The following CLDN12 variants were observed in gnomAD, a reference collection of about 807,000 sequenced individuals.
The protein encoded by CLDN12 is claudin-12.
Under a neutral mutation model 15.5 loss-of-function variants are expected in CLDN12, and 9 were observed. The observed-to-expected ratio is 0.58, with a 90% CI of 0.35 to 1.02. The LOEUF (loss-of-function observed/expected upper bound fraction) is 1.02, where lower values mean the gene tolerates loss of function less well. Ranked by LOEUF, CLDN12 falls within the 50% of genes least tolerant of loss-of-function variation. The pLI is 0.02. For synonymous variants in CLDN12, 140 were observed against 121.6 expected (o/e 1.15, Z -1.00); for missense variants, 233 against 297.3 (o/e 0.78, Z 1.59).
chr7:90,412,368 TG>T lies in CLDN12; in HGVS notation c.-33-275del, dbSNP rs113256971. The T allele has an allele frequency of 7.3e-3, 2,423 of 332,186 alleles. 61 individuals are homozygous for T. Among genetic ancestry groups the T allele is most frequent in the African/African-American group, 0.046 (2,174 of 47,498 alleles). 20.6% of individuals were successfully genotyped at this position (332,186 alleles called of 1,614,324 possible). A position where few individuals can be genotyped will look rare whatever the true frequency, so the allele number is the denominator to read the frequency against. Reference sequence around the variant, plus strand: ...TAAGAGACTTTAACATTATCTTGGTTGTTTTTTTAATTGTGAAGAAAAATAC... The same window carrying T: ...TAAGAGACTTTAACATTATCTTGGTTTTTTTTTAATTGTGAAGAAAAATAC... On this transcript the variant is annotated intron_variant, in intron 3 of 3. Transcript: ENST00000496677.
Position 90,413,702 on chromosome 7 carries a change from A to G in CLDN12, c.*291A>G. On this transcript the variant is annotated 3_prime_UTR_variant, in exon 4 of 4. Coordinates refer to ENST00000496677, the MANE Select transcript of CLDN12 (RefSeq NM_001185072.3). ...CTGCATCACAATTGAGGTAATGTAGAGCAACATGTTAAAGAATGATGGTTA... is the reference window on the plus strand; with the variant it reads ...CTGCATCACAATTGAGGTAATGTAGGGCAACATGTTAAAGAATGATGGTTA... 8.9e-7 allele frequency: 1 copy of G among 1,128,312 alleles called. No individual in the cohort carries two copies. Among genetic ancestry groups the G allele is most frequent in the South Asian group, 3.7e-5 (1 of 26,900 alleles). The allele number at this position is 1,128,312 out of a possible 1,614,324, so 69.9% of individuals were successfully genotyped here.
intron 2 of CLDN12, chr7:90,405,948 A>T (rs1046852309): frequency 5.3e-5 from 8 of 152,162 alleles, no homozygotes; most frequent in East Asian, 1.9e-4. Context: ...AGAAAATTTT[A>T]AAAAATTAGC....
intron 2 of CLDN12, among the ~76,000 whole-genome samples, chr7:90,410,586 C>G (rs1796938465): frequency 1.3e-5 from 2 of 152,182 alleles, no homozygotes; most frequent in Admixed American, 1.3e-4. Context: ...CTTGTAATTT[C>G]AGCACTTTTG....
Position 90,412,906 on chromosome 7 carries a change from C to G in CLDN12, c.230C>G (p.Ser77Ter). Reference protein sequence around the residue: ...CLMYDTTWYSSVDQLDLRVLQ... With the variant: ...CLMYDTTWYS ...ATGTACGACACTACTTGGTACTCAT[C>G]AGTTGACCAGCTGGACCTGCGTGTC... is the stretch of plus-strand genomic sequence containing the variant. Residue 77 changes from serine to a stop codon, truncating the protein, a stop_gained, in exon 4 of 4, where the codon TCA becomes TGA. Transcript: ENST00000496677. LOFTEE classifies it high-confidence loss of function. The G allele has an allele frequency of 6.2e-7, 1 of 1,614,224 alleles. No homozygotes were observed. Among genetic ancestry groups the G allele is most frequent in the Non-Finnish European group, 8.5e-7 (1 of 1,180,042 alleles).
Position 90,414,398 on chromosome 7 carries a change from C to T in CLDN12, c.*987C>T, listed in dbSNP as rs995263893. ...TCACCCTTGATTCATTTCTCGCCCCCGTCACTGATTATTTCCTTGAGCATA... is the reference window on the plus strand; with the variant it reads ...TCACCCTTGATTCATTTCTCGCCCCTGTCACTGATTATTTCCTTGAGCATA... On this transcript the variant is annotated 3_prime_UTR_variant, in exon 4 of 4. Transcript: ENST00000496677. 1.9e-5 allele frequency: 19 copies of T among 1,000,008 alleles called. No individual in the cohort carries two copies. Among genetic ancestry groups the T allele is most frequent in the African/African-American group, 3.5e-5 (2 of 57,214 alleles). 61.9% of individuals were successfully genotyped at this position (1,000,008 alleles called of 1,614,324 possible).
At chr7:90,405,773 A>T (rs528043700) in intron 2 of CLDN12, 165 bp downstream of exon 2, 1 of 152,254 alleles carries the variant, frequency 6.6e-6, no homozygotes, top group East Asian at 1.9e-4. Context: ...AACCCAAATT[A>T]TAGGTAGAAG....
chr7:90,413,121 T>A lies in CLDN12; in HGVS notation c.445T>A (p.Ser149Thr). Residue 149 changes from serine to threonine, a missense_variant, in exon 4 of 4, where the codon TCC becomes ACC. Transcript: ENST00000496677. ...LFFLAGTVSL[S>T]PSIWVIFYNI... The stretch of plus-strand genomic sequence containing the variant: ...TTTCCTGGCAGGTACTGTGAGCCTC[T>A]CCCCATCTATCTGGGTCATCTTTTA... 1 of 1,614,206 alleles carries A rather than the reference T, an allele frequency of 6.2e-7. No individual in the cohort carries two copies. Among genetic ancestry groups the A allele is most frequent in the Non-Finnish European group, 8.5e-7 (1 of 1,180,032 alleles).
At chr7:90,410,838 A>C (rs1171406644) in intron 2 of CLDN12, among the ~76,000 whole-genome samples, 2 of 152,082 alleles carry the variant, frequency 1.3e-5, no homozygotes, top group African/African-American at 2.4e-5. Context: ...CTCTACAAAA[A>C]ATACAAAAAT....
rs1409403132 is a variant in CLDN12 at position 90,403,562 on chromosome 7, A to C, written c.-167+13A>C. On this transcript the variant is annotated intron_variant, in intron 1 of 3. Transcript: ENST00000496677. ...GTGTGAGAAGCAGGTAGGTGTGGTC[A>C]AGATGTTCCGATTTCTGGGTCTTTT... is the stretch of plus-strand genomic sequence containing the variant. 1 of 152,228 alleles carries C rather than the reference A, an allele frequency of 6.6e-6. No individual in the cohort carries two copies. The allele number at this position is 152,228 out of a possible 1,614,324, so 9.4% of individuals were successfully genotyped here.
Position 90,412,512 on chromosome 7 carries a change from G to A in CLDN12, c.-33-132G>A. The A allele has an allele frequency of 4.1e-6, 3 of 725,312 alleles. No individual in the cohort carries two copies. In the South Asian group the frequency reaches 5.5e-5, roughly 13 times the overall value. 44.9% of individuals were successfully genotyped at this position (725,312 alleles called of 1,614,324 possible). A position where few individuals can be genotyped will look rare whatever the true frequency, so the allele number is the denominator to read the frequency against. On this transcript the variant is annotated intron_variant, in intron 3 of 3. Transcript: ENST00000496677. ...ATATACATTTGTACTGTACAGAGAG[G>A]AAACAAGGGAGAGACTTTCCCTCTT...
intron 3 of CLDN12, chr7:90,412,277 A>G (rs1396047310): frequency 3.9e-5 from 7 of 177,302 alleles, no homozygotes; most frequent in South Asian, 1.5e-4. Context: ...TGACACATAC[A>G]GAGTGCTTGA....
rs1315755536 is a variant in CLDN12 at position 90,413,075 on chromosome 7, C to T, written c.399C>T (p.His133=). ...GTCTGGTCAATAGTGCAGGTTGCCA[C>T]CTGGTGGCTGGGCTGCTATTTTTCC... ...AKCLVNSAGC[H]LVAGLLFFLA... is the part of the protein sequence containing the mutation. Residue 133 remains histidine, a synonymous_variant, in exon 4 of 4, where the codon CAC becomes CAT. Transcript: ENST00000496677. 2 of 1,614,194 alleles carry T rather than the reference C, an allele frequency of 1.2e-6. No individual in the cohort carries two copies. Among genetic ancestry groups the T allele is most frequent in the Non-Finnish European group, 1.7e-6 (2 of 1,180,040 alleles).
intron 2 of CLDN12, among the ~76,000 whole-genome samples, 197 bp from the exon 3 acceptor site, chr7:90,411,810 T>C (rs17862173): frequency 0.074 from 11,299 of 152,266 alleles, 446 homozygotes; most frequent in South Asian, 0.17. Flanking sequence ...TATTTAACAT[T>C]CATTCAATGA....
Position 90,414,334 on chromosome 7 carries a change from G to C in CLDN12, c.*923G>C. 1.0e-6 allele frequency: 1 copy of C among 1,000,170 alleles called. No individual in the cohort carries two copies. The highest frequency in any genetic ancestry group is 5.2e-4 in the Middle Eastern group (1 of 1,916). 62.0% of individuals were successfully genotyped at this position (1,000,170 alleles called of 1,614,324 possible). On this transcript the variant is annotated 3_prime_UTR_variant, in exon 4 of 4. Transcript: ENST00000496677. ...TCTGGTGACTGCCTTTTGAGTTATG[G>C]GTGAAGTAAGGTATGGCTTTACCAT...
intron 2 of CLDN12, among the ~76,000 whole-genome samples, chr7:90,409,661 C>T (rs1796917456): frequency 6.6e-6 from 1 of 152,182 alleles, no homozygotes; most frequent in South Asian, 2.1e-4. Flanking sequence ...TCCTTATTCT[C>T]CTTCATTTCT....
chr7:90,413,147 T>C lies in CLDN12; in HGVS notation c.471T>C (p.Tyr157=), dbSNP rs1228407374. 1.2e-6 allele frequency: 2 copies of C among 1,614,226 alleles called. No homozygotes were observed. Among genetic ancestry groups the C allele is most frequent in the Admixed American group, 1.7e-5 (1 of 60,032 alleles). Residue 157 remains tyrosine, a synonymous_variant, in exon 4 of 4, where the codon TAT becomes TAC. Coordinates refer to ENST00000496677, the MANE Select transcript of CLDN12 (RefSeq NM_001185072.3). ...CCCCATCTATCTGGGTCATCTTTTATAACATCCATCTGAACAAGAAGTTTG... is the reference window on the plus strand; with the variant it reads ...CCCCATCTATCTGGGTCATCTTTTACAACATCCATCTGAACAAGAAGTTTG... ...SLSPSIWVIF[Y]NIHLNKKFEP...
intron 2 of CLDN12, among the ~76,000 whole-genome samples, chr7:90,406,845 T>C (rs544954203): frequency 6.6e-6 from 1 of 152,330 alleles, no homozygotes; most frequent in African/African-American, 2.4e-5. Flanking sequence ...GCTTGACAGA[T>C]TTGTTAAAGT....
chr7:90,407,460 A>G (rs1271808058), intron 2 of CLDN12, among the ~76,000 whole-genome samples: 1 of 152,214 alleles, frequency 6.6e-6, no homozygotes, highest in Non-Finnish European at 1.5e-5. Flanking sequence ...AATGAAGTGA[A>G]TGGAACTGAG....
intron 2 of CLDN12, among the ~76,000 whole-genome samples, chr7:90,406,917 GT>G (rs558012205): frequency 6.6e-5 from 10 of 150,838 alleles, no homozygotes; most frequent in South Asian, 2.1e-4. Flanking sequence ...GCAAAAAGAT[GT>G]TTTTTTTTCT....
Sources: gnomAD v4.1 joint callset for allele counts (sites outside exome capture counted in the v4.1 genomes callset) on GRCh38, gnomAD v4.1.1 for gene constraint, MANE v1.5 for transcripts, NCBI Gene and HGNC (gene_info 2026-07-23, HGNC 2026-07-21) for gene names.